Variants in CACNB4 observed in about 807,000 individuals in gnomAD.
The protein encoded by CACNB4 is calcium voltage-gated channel auxiliary subunit beta 4.
CACNB4 carries 32 observed loss-of-function variants against 71.2 expected under a neutral mutation model. That is an observed-to-expected ratio of 0.45 (90% CI 0.34 to 0.60). The LOEUF (loss-of-function observed/expected upper bound fraction) is 0.60. Ranked by LOEUF, CACNB4 falls within the 20% of genes least tolerant of loss-of-function variation. CACNB4 has a pLI of 0.01. For missense variants in CACNB4, 464 were observed against 647.9 expected, an observed-to-expected ratio of 0.72 and a Z score of 3.08; for synonymous variants, 231 against 236.9, an observed-to-expected ratio of 0.97 and a Z score of 0.23.
chr2:151,901,881 T>C (rs530293122), intron 2 of CACNB4, among the ~76,000 whole-genome samples: 1 of 152,288 alleles, frequency 6.6e-6, no homozygotes, highest in African/African-American at 2.4e-5. Flanking sequence ...CATTACAAAA[T>C]TGGAATACAA....
chr2:151,881,389 AAT>A, intron 3 of CACNB4, among the ~76,000 whole-genome samples: 1 of 152,310 alleles, frequency 6.6e-6, no homozygotes, highest in East Asian at 1.9e-4. Flanking sequence ...TATACAACAG[AAT>A]ATCTGGTCCT....
chr2:151,867,705 C>T (rs758106587), intron 9 of CACNB4: 5 of 152,164 alleles, frequency 3.3e-5, no homozygotes, highest in African/African-American at 7.2e-5. Flanking sequence ...AGAGTGCCTC[C>T]GCTGCAATTA....
chr2:152,005,413 T>C (rs555394418), intron 2 of CACNB4, among the ~76,000 whole-genome samples: 7 of 152,248 alleles, frequency 4.6e-5, no homozygotes, highest in African/African-American at 1.7e-4. Context: ...AGAGAACTAA[T>C]GCAGAAATGG....
chr2:151,998,527 C>A (rs11900926), intron 2 of CACNB4, among the ~76,000 whole-genome samples: 131,009 of 152,064 alleles, frequency 0.86, 57,616 homozygotes, highest in Non-Finnish European at 0.96. Flanking sequence ...TAAAATGAAA[C>A]CATAAGTGCC....
rs541533215 is a variant in CACNB4 at position 151,876,746 on chromosome 2, T to TATA, written c.391-191_391-190insTAT. 2.2e-4 allele frequency among the ~76,000 whole-genome samples: 32 copies of TATA among 144,038 alleles called. 1 individual carries two copies. The highest frequency in any genetic ancestry group is 7.6e-4 in the African/African-American group (29 of 38,328). The allele number at this position is 144,038 out of a possible 152,430, so 94.5% of individuals were successfully genotyped here. A position where few individuals can be genotyped will look rare whatever the true frequency, so the allele number is the denominator to read the frequency against. On this transcript the variant is annotated intron_variant, in intron 4 of 13. Coordinates refer to ENST00000539935, the MANE Select transcript of CACNB4 (RefSeq NM_000726.5). ...ATACTATACTATAGACTATATTTTA[T>TATA]ATGTATATGTGTGTATACTATATTT...
intron 2 of CACNB4, among the ~76,000 whole-genome samples, chr2:152,079,295 AGC>A (rs1687213430): frequency 6.6e-6 from 1 of 151,730 alleles, no homozygotes; most frequent in Non-Finnish European, 1.5e-5. Flanking sequence ...TCACCGTGTT[AGC>A]CAGGATGGTC....
At chr2:151,952,522 T>A (rs1323788059) in intron 2 of CACNB4, among the ~76,000 whole-genome samples, 2 of 152,124 alleles carry the variant, frequency 1.3e-5, no homozygotes, top group African/African-American at 2.4e-5. Flanking sequence ...GCAGAATGGA[T>A]CCTGTTTCCC....
At position 151,838,815 on chromosome 2, in the gene CACNB4, T is replaced by G; in HGVS notation, c.*304A>C. ...GGAATTTCCAGCATGGGAAATTATT[T>G]TATATGTGCCTTGTAAGTACCCTAA... is the stretch of plus-strand genomic sequence containing the variant. On this transcript the variant is annotated 3_prime_UTR_variant, in exon 14 of 14. Transcript: ENST00000539935. 1 of 192,048 alleles carries G rather than the reference T, an allele frequency of 5.2e-6. No homozygotes were observed. Among genetic ancestry groups the G allele is most frequent in the Non-Finnish European group, 1.1e-5 (1 of 94,348 alleles). The allele number at this position is 192,048 out of a possible 1,614,324, so 11.9% of individuals were successfully genotyped here.
chr2:151,931,654 G>A (rs531341153), intron 2 of CACNB4, among the ~76,000 whole-genome samples: 1 of 152,242 alleles, frequency 6.6e-6, no homozygotes, highest in East Asian at 1.9e-4. Context: ...ATGGGGGGGT[G>A]ACCTCTTTCA....
intron 2 of CACNB4, among the ~76,000 whole-genome samples, chr2:152,042,277 G>A (rs997743512): frequency 6.6e-6 from 1 of 152,158 alleles, no homozygotes; most frequent in African/African-American, 2.4e-5. Context: ...TCCTCTTCCC[G>A]CATAACCCTA....
At chr2:151,908,170 T>C (rs1412393665) in intron 2 of CACNB4, among the ~76,000 whole-genome samples, 1 of 152,184 alleles carries the variant, frequency 6.6e-6, no homozygotes, top group East Asian at 1.9e-4. Context: ...GGAGTCTGAT[T>C]GCAGCCAAAG....
chr2:151,976,160 AC>A (rs1290531113), intron 2 of CACNB4, among the ~76,000 whole-genome samples: 1 of 152,220 alleles, frequency 6.6e-6, no homozygotes, highest in Non-Finnish European at 1.5e-5. Context: ...TTGCTCCTGC[AC>A]CCAACCCCTC....
At chr2:151,875,480 T>C (rs1274985792) in intron 5 of CACNB4, among the ~76,000 whole-genome samples, 1 of 152,092 alleles carries the variant, frequency 6.6e-6, no homozygotes, top group Non-Finnish European at 1.5e-5. Context: ...GCCATCGTCA[T>C]CATGGCCCAT....
intron 13 of CACNB4, among the ~76,000 whole-genome samples, chr2:151,839,671 A>G (rs916298194): frequency 6.6e-6 from 1 of 152,222 alleles, no homozygotes; most frequent in Non-Finnish European, 1.5e-5. Flanking sequence ...GGAACTTAAT[A>G]TATTTAGGAA....
At chr2:152,035,971 A>G (rs1051109133) in intron 2 of CACNB4, among the ~76,000 whole-genome samples, 19 of 152,178 alleles carry the variant, frequency 1.2e-4, no homozygotes, top group African/African-American at 4.6e-4. Flanking sequence ...TGGCGTATGC[A>G]GACAATATTA....
In CACNB4 at chr2:152,098,695, T is replaced by TG. The variant is rs753521711; in HGVS notation, c.63+253dup. ...CGGGGTCCGAGTCCCCGGCATCCGC[T>TG]GGGGGAGGCTGCGGGCTCCGGAGCG... On this transcript the variant is annotated intron_variant, in intron 1 of 13. Transcript: ENST00000539935. This position sits in a 1 kb window ranked among gnomAD's most constrained non-coding sequence, Gnocchi z 5.3. 3.8e-6 allele frequency: 6 copies of TG among 1,560,330 alleles called. No individual in the cohort carries two copies. In the Middle Eastern group the frequency reaches 6.7e-4, roughly 175 times the overall value.
At chr2:151,888,913 T>G (rs547857889) in intron 2 of CACNB4, among the ~76,000 whole-genome samples, 2 of 152,350 alleles carry the variant, frequency 1.3e-5, no homozygotes, top group East Asian at 3.9e-4. Context: ...ATGATGGACA[T>G]GGACACTGTC....
At chr2:152,026,379 CT>C (rs66836499) in intron 2 of CACNB4, among the ~76,000 whole-genome samples, 63,690 of 149,632 alleles carry the variant, frequency 0.43, 16,447 homozygotes, top group Non-Finnish European at 0.59. Flanking sequence ...TCTCTAGTCC[CT>C]TTTTTTTTTT....
intron 5 of CACNB4, 80 bp downstream of exon 5, chr2:151,876,346 T>C: frequency 8.2e-7 from 1 of 1,224,666 alleles, no homozygotes; most frequent in Non-Finnish European, 1.1e-6. Context: ...AAGTATCTTC[T>C]ACTTTGAAAG....
Sources: allele counts gnomAD v4.1 joint callset (sites outside exome capture counted in the v4.1 genomes callset), GRCh38; gene constraint gnomAD v4.1.1; non-coding constraint Gnocchi (gnomAD v3.1); transcripts MANE v1.5; gene names NCBI Gene and HGNC (gene_info 2026-07-23, HGNC 2026-07-21).